ITCH: variants seen among roughly 807,000 people sequenced by gnomAD.
The protein encoded by ITCH is itchy E3 ubiquitin protein ligase.
Under a neutral mutation model 126.8 loss-of-function variants are expected in ITCH, and 28 were observed. The observed-to-expected ratio is 0.22, with a 90% CI of 0.16 to 0.30. The LOEUF (loss-of-function observed/expected upper bound fraction) is 0.30, where lower values mean the gene tolerates loss of function less well. Among genes scored for constraint, ITCH ranks in the 10% least tolerant of loss-of-function variants. ITCH has a pLI of 1.00. For synonymous variants in ITCH, 342 were observed against 340.0 expected (o/e 1.01, Z -0.06); for missense variants, 631 against 1,032.4 (o/e 0.61, Z 5.33).
At chr20:34,373,881 AT>A (rs562372910) in intron 2 of ITCH, among the ~76,000 whole-genome samples, 54 of 145,770 alleles carry the variant, frequency 3.7e-4, no homozygotes, top group Middle Eastern at 3.5e-3. Context: ...ACAAGAGAAC[AT>A]TTTTTTTTTT....
chr20:34,502,012 G>A (rs1431458899), intron 23 of ITCH, among the ~76,000 whole-genome samples: 1 of 152,028 alleles, frequency 6.6e-6, no homozygotes, highest in Non-Finnish European at 1.5e-5. Context: ...ATAGGCCAAG[G>A]CTCTAACATG....
rs541704045 is a variant in ITCH, at chr20:34,496,414, A to C, written c.2416+3817A>C. 3.9e-5 allele frequency among the ~76,000 whole-genome samples: 6 copies of C among 152,076 alleles called. No homozygotes were observed. The East Asian group carries it at 1.2e-3, about 29-fold the overall frequency. On this transcript the variant is annotated intron_variant, in intron 23 of 24. Transcript: ENST00000374864. ...TGCAGATTGTCTCTACACTGTGTTG[A>C]TTGTTTCCTTTGCTATGCCAAAGCT...
rs2037539307 is a variant in ITCH, at chr20:34,369,480, C to T, written c.-22+10C>T. The T allele has an allele frequency of 2.5e-6, 1 of 398,870 alleles. No homozygotes were observed. Among genetic ancestry groups the T allele is most frequent in the South Asian group, 1.3e-4 (1 of 7,834 alleles). The allele number at this position is 398,870 out of a possible 1,614,324, so 24.7% of individuals were successfully genotyped here. A position where few individuals can be genotyped will look rare whatever the true frequency, so the allele number is the denominator to read the frequency against. On this transcript the variant is annotated intron_variant, in intron 2 of 24. Coordinates refer to ENST00000374864, the MANE Select transcript of ITCH (RefSeq NM_031483.7). Reference sequence around the variant, plus strand: ...ACTGTGAGAACTTCAGGTATGGTGTCATCCTGTGAGAGAAATTGGGGGCAA... The same window carrying T: ...ACTGTGAGAACTTCAGGTATGGTGTTATCCTGTGAGAGAAATTGGGGGCAA...
intron 22 of ITCH, 121 bp from the exon 23 acceptor site, chr20:34,492,378 CAG>C (rs1989576720): frequency 3.1e-6 from 2 of 638,182 alleles, no homozygotes; most frequent in South Asian, 3.6e-5. Flanking sequence ...GCCTGGGCCA[CAG>C]AGCCTGGGAC....
At chr20:34,461,220 T>C (rs1220408906) in intron 13 of ITCH, among the ~76,000 whole-genome samples, 2 of 152,142 alleles carry the variant, frequency 1.3e-5, no homozygotes, top group Non-Finnish European at 2.9e-5. Flanking sequence ...GGCCAGCGTA[T>C]AGAGGCTGAG....
intron 12 of ITCH, among the ~76,000 whole-genome samples, chr20:34,455,636 T>A (rs1445879820): frequency 6.6e-6 from 1 of 151,648 alleles, no homozygotes; most frequent in Non-Finnish European, 1.5e-5. Context: ...CTAATTTTTT[T>A]TTTTTTTCTT....
chr20:34,499,251 G>A (rs1364437686), intron 23 of ITCH, among the ~76,000 whole-genome samples: 1 of 138,856 alleles, frequency 7.2e-6, no homozygotes, highest in Non-Finnish European at 1.5e-5. Context: ...TGGGATTACA[G>A]GCGTGAGCCA....
intron 16 of ITCH, among the ~76,000 whole-genome samples, chr20:34,472,022 AAGAT>A (rs1034397936): frequency 3.9e-5 from 6 of 152,186 alleles, no homozygotes; most frequent in African/African-American, 1.4e-4. Context: ...TATCTAAAAA[AAGAT>A]ATATATGAGT....
intron 7 of ITCH, among the ~76,000 whole-genome samples, chr20:34,436,443 T>G (rs376195394): frequency 2.0e-4 from 31 of 152,314 alleles, no homozygotes; most frequent in African/African-American, 6.7e-4. Flanking sequence ...TAAAATAGCA[T>G]GGAGAGGCAA....
chr20:34,479,477 A>T (rs1471508512), intron 17 of ITCH, among the ~76,000 whole-genome samples, 153 bp from the exon 18 acceptor site: 36 of 152,216 alleles, frequency 2.4e-4, no homozygotes. Context: ...TGTGAAACAG[A>T]TGTGAGTTTG....
intron 7 of ITCH, among the ~76,000 whole-genome samples, chr20:34,425,393 C>T (rs1003249322): frequency 2.0e-5 from 3 of 152,114 alleles, no homozygotes; most frequent in African/African-American, 7.2e-5. Flanking sequence ...AAGGAAAAAC[C>T]TTACATCCTC....
At chr20:34,404,766 G>C (rs8125662) in intron 3 of ITCH, among the ~76,000 whole-genome samples, 28 of 152,126 alleles carry the variant, frequency 1.8e-4, no homozygotes, top group African/African-American at 6.7e-4. Context: ...TCGCAGAATA[G>C]GTATTGATAT....
intron 13 of ITCH, among the ~76,000 whole-genome samples, chr20:34,461,736 A>G (rs1288895449): frequency 7.1e-6 from 1 of 141,276 alleles, no homozygotes; most frequent in Non-Finnish European, 1.5e-5. Flanking sequence ...AAAAAAAAGC[A>G]GGAGAGAAAC....
chr20:34,484,135 C>G (rs2146485914), intron 20 of ITCH, among the ~76,000 whole-genome samples: 1 of 152,256 alleles, frequency 6.6e-6, no homozygotes, highest in South Asian at 2.1e-4. Context: ...TGGGTGGGGA[C>G]ACAGAGCCAA....
chr20:34,463,089 G>T (rs930518899), intron 14 of ITCH, among the ~76,000 whole-genome samples: 1 of 152,130 alleles, frequency 6.6e-6, no homozygotes, highest in Non-Finnish European at 1.5e-5. Flanking sequence ...GAGGCCGGGC[G>T]CAGTGGCTCA....
chr20:34,497,063 C>A (rs1028776001), intron 23 of ITCH, among the ~76,000 whole-genome samples: 3 of 151,812 alleles, frequency 2.0e-5, no homozygotes, highest in Non-Finnish European at 4.4e-5. Flanking sequence ...GTGGCGAGAT[C>A]TCGGCTCCCC....
rs544875023 is a variant in ITCH, at chr20:34,363,892, C to G, written c.-99+543C>G. On this transcript the variant is annotated intron_variant, in intron 1 of 24. Transcript: ENST00000374864. ...CCCACTCGCCTCCTCCTTCCATTGT[C>G]CCCCCGGCGTGGTGGTCCCGGCTCC... 5.9e-5 allele frequency among the ~76,000 whole-genome samples: 9 copies of G among 152,286 alleles called. No homozygotes were observed. In the South Asian group the frequency reaches 1.0e-3, roughly 18 times the overall value.
At chr20:34,458,835 A>G (rs1986257880) in intron 13 of ITCH, among the ~76,000 whole-genome samples, 1 of 152,180 alleles carries the variant, frequency 6.6e-6, no homozygotes, top group African/African-American at 2.4e-5. Flanking sequence ...CCTCATCTTG[A>G]TACATCTGCA....
At chr20:34,424,671 G>A in intron 7 of ITCH, 146 bp downstream of exon 7, 2 of 780,244 alleles carry the variant, frequency 2.6e-6, no homozygotes, top group South Asian at 3.0e-5. Context: ...ATTTGCAAAA[G>A]ATTGAAGACT....
Sources: gnomAD v4.1 joint callset for allele counts (sites outside exome capture counted in the v4.1 genomes callset) on GRCh38, gnomAD v4.1.1 for gene constraint, MANE v1.5 for transcripts, NCBI Gene and HGNC (gene_info 2026-07-23, HGNC 2026-07-21) for gene names.